The following VPS37A variants were observed in gnomAD, a reference collection of about 807,000 sequenced individuals.
The protein encoded by VPS37A is vacuolar protein sorting-associated protein 37A.
VPS37A carries 30 observed loss-of-function variants against 49.8 expected under a neutral mutation model. The ratio of observed to expected loss-of-function variants is 0.60; its 90% CI spans 0.45 to 0.82. The LOEUF (loss-of-function observed/expected upper bound fraction) is 0.82. Ranked by LOEUF, VPS37A falls within the 40% of genes least tolerant of loss-of-function variation. The pLI is 0.00. For missense variants in VPS37A, 593 were observed against 464.4 expected, an observed-to-expected ratio of 1.28 and a Z score of -2.55; for synonymous variants, 195 against 160.6, an observed-to-expected ratio of 1.21 and a Z score of -1.62.
At position 17,286,444 on chromosome 8, in the gene VPS37A, G is replaced by A. The variant is rs1174305006; in HGVS notation, c.*17G>A. ...CCACTATAGGTAAATTGTATTTCAA[G>A]TTTGAGTCTCAAGGTGATTGCATCA... is the stretch of plus-strand genomic sequence containing the variant. On this transcript the variant is annotated intron_variant, in intron 11 of 11. Coordinates refer to ENST00000324849, the MANE Select transcript of VPS37A (RefSeq NM_152415.3). 3 of 1,608,944 alleles carry A rather than the reference G, an allele frequency of 1.9e-6. No individual in the cohort carries two copies. The South Asian group carries it at 3.3e-5, about 18-fold the overall frequency.
At chr8:17,290,171 C>A (rs922309767) in intron 11 of VPS37A, among the ~76,000 whole-genome samples, 10 of 152,256 alleles carry the variant, frequency 6.6e-5, no homozygotes, top group Middle Eastern at 6.8e-3. Context: ...TTCCTCTTTT[C>A]CTATTTGAAT....
the VPS37A span, among the ~76,000 whole-genome samples, chr8:17,319,349 G>A: frequency 2.0e-5 from 3 of 152,208 alleles, no homozygotes; most frequent in Non-Finnish European, 2.9e-5. Context: ...TGGTAGCTAT[G>A]ATACACATTG....
At chr8:17,303,068 G>A (rs1458586155), downstream of VPS37A, among the ~76,000 whole-genome samples, 1 of 152,096 alleles carries the variant, frequency 6.6e-6, no homozygotes, top group Non-Finnish European at 1.5e-5. Context: ...GAGAAAAATG[G>A]TGTTATCACA....
At chr8:17,301,319 G>C (rs900085955), downstream of VPS37A, among the ~76,000 whole-genome samples, 11 of 152,210 alleles carry the variant, frequency 7.2e-5, no homozygotes, top group Admixed American at 2.0e-4. Flanking sequence ...GAAAAGAACA[G>C]AGTAAGTTTC....
intron 9 of VPS37A, among the ~76,000 whole-genome samples, chr8:17,281,564 T>C (rs189864181): frequency 1.0e-3 from 156 of 152,094 alleles, no homozygotes; most frequent in African/African-American, 3.5e-3. Flanking sequence ...ATTTCTAGGA[T>C]CCCATTAATG....
intron 11 of VPS37A, 186 bp downstream of exon 11, chr8:17,286,613 CTT>C (rs1171666348): frequency 1.2e-5 from 6 of 495,300 alleles, no homozygotes; most frequent in Non-Finnish European, 2.1e-5. Context: ...TAGTAGAAAT[CTT>C]TTGGATATTT....
At chr8:17,331,330 CAAT>C in the VPS37A span, 6 of 1,531,156 alleles carry the variant, frequency 3.9e-6, no homozygotes, top group East Asian at 2.3e-5. Context: ...ATTGATGAAA[CAAT>C]GATGAAACAA....
At chr8:17,248,817 C>T (rs761975030) in intron 1 of VPS37A, among the ~76,000 whole-genome samples, 3 of 152,132 alleles carry the variant, frequency 2.0e-5, no homozygotes, top group Non-Finnish European at 4.4e-5. Flanking sequence ...AAATTTTATG[C>T]TGTTTAACAG....
intron 11 of VPS37A, among the ~76,000 whole-genome samples, chr8:17,290,495 T>C (rs1403083240): frequency 1.3e-5 from 2 of 152,238 alleles, no homozygotes; most frequent in East Asian, 3.9e-4. Context: ...GATTTGCGTA[T>C]GTTGAACCAG....
the VPS37A span, among the ~76,000 whole-genome samples, chr8:17,327,447 T>C: frequency 6.7e-5 from 10 of 149,804 alleles, no homozygotes; most frequent in African/African-American, 2.5e-4. Context: ...ATTTTTTTTA[T>C]TTTTTAAATT....
intron 5 of VPS37A, among the ~76,000 whole-genome samples, chr8:17,276,030 A>G (rs544561172): frequency 6.6e-6 from 1 of 152,296 alleles, no homozygotes; most frequent in South Asian, 2.1e-4. Context: ...GCATGTAACT[A>G]TTCAGACTGT....
the VPS37A span, among the ~76,000 whole-genome samples, chr8:17,330,596 C>T: frequency 6.6e-6 from 1 of 152,192 alleles, no homozygotes; most frequent in African/African-American, 2.4e-5. Context: ...AATTTCCTGT[C>T]CACACGAGTA....
At position 17,280,286 on chromosome 8, in the gene VPS37A, G is replaced by A. The variant is rs2150402608; in HGVS notation, c.889G>A (p.Val297Ile). The change falls in exon 8 of 12, where the codon GTT becomes ATT. Residue 297 changes from valine to isoleucine, a missense_variant. Coordinates refer to ENST00000324849, the MANE Select transcript of VPS37A (RefSeq NM_152415.3). ...EPSLEAKRQT[V>I]LDKYELLTQM... is the part of the protein sequence containing the mutation. Reference sequence around the variant, plus strand: ...CAGCTTGGAAGCCAAAAGACAAACTGTTTTAGATAAGGTGAGTTAGTGATA... The same window carrying A: ...CAGCTTGGAAGCCAAAAGACAAACTATTTTAGATAAGGTGAGTTAGTGATA... 2 of 1,612,328 alleles carry A rather than the reference G, an allele frequency of 1.2e-6. No homozygotes were observed. The highest frequency in any genetic ancestry group is 2.2e-5 in the East Asian group (1 of 44,790).
downstream of VPS37A, chr8:17,300,246 CA>C: frequency 1.3e-6 from 2 of 1,583,576 alleles, no homozygotes; most frequent in Non-Finnish European, 1.7e-6. Context: ...ATAACAATTT[CA>C]GGGGAAAAAT....
intron 2 of VPS37A, among the ~76,000 whole-genome samples, chr8:17,266,574 C>T (rs1160264405): frequency 6.6e-6 from 1 of 152,168 alleles, no homozygotes; most frequent in African/African-American, 2.4e-5. Context: ...CCTGAGGTTA[C>T]ATTAAGTGGC....
At chr8:17,247,752 G>A (rs1471945071) in intron 1 of VPS37A, 1 of 702,470 alleles carries the variant, frequency 1.4e-6, no homozygotes, top group African/African-American at 1.7e-5. Context: ...ATACAATTGT[G>A]AAGAGTAATC....
chr8:17,255,997 G>A (rs1216313075), intron 1 of VPS37A, among the ~76,000 whole-genome samples: 2 of 152,050 alleles, frequency 1.3e-5, no homozygotes, highest in Non-Finnish European at 2.9e-5. Flanking sequence ...TGCAATAAAC[G>A]TGGGAGTGCA....
At chr8:17,304,801 C>G (rs1224599895), downstream of VPS37A, among the ~76,000 whole-genome samples, 1 of 132,762 alleles carries the variant, frequency 7.5e-6, no homozygotes, top group Non-Finnish European at 1.6e-5. Flanking sequence ...TTTTTTCCCC[C>G]AAATAGTCAT....
chr8:17,265,111 C>G (rs1291110301), intron 1 of VPS37A, among the ~76,000 whole-genome samples: 1 of 152,182 alleles, frequency 6.6e-6, no homozygotes, highest in East Asian at 1.9e-4. Context: ...CTACTTCTTT[C>G]TTTCTGCCTA....
Sources: gnomAD v4.1 joint callset for allele counts (sites outside exome capture counted in the v4.1 genomes callset) on GRCh38, gnomAD v4.1.1 for gene constraint, MANE v1.5 for transcripts, NCBI Gene and HGNC (gene_info 2026-07-23, HGNC 2026-07-21) for gene names.